Variants in GNAL observed in about 807,000 individuals in gnomAD.
The protein encoded by GNAL is guanine nucleotide-binding protein G(olf) subunit alpha.
In GNAL, 18 loss-of-function variants were observed where a neutral mutation model predicts 55.1. That is an observed-to-expected ratio of 0.33 (90% CI 0.23 to 0.48). The LOEUF (loss-of-function observed/expected upper bound fraction) is 0.48. Ranked by LOEUF, GNAL falls within the 20% of genes least tolerant of loss-of-function variation. The probability of loss-of-function intolerance (pLI) is 0.99; values close to 1 mark genes in which losing one functional copy is unlikely to be tolerated. For missense variants in GNAL, 412 were observed against 614.1 expected (o/e 0.67, Z 3.48); for synonymous variants, 253 against 237.0 (o/e 1.07, Z -0.62).
intron 4 of GNAL, among the ~76,000 whole-genome samples, chr18:11,754,306 A>G (rs6505671): frequency 0.32 from 48,054 of 151,630 alleles, 8,366 homozygotes; most frequent in African/African-American, 0.46. Flanking sequence ...AATCCCAGCT[A>G]CTCAAGAGGC....
chr18:11,765,884 C>T lies in GNAL; in HGVS notation c.624+11939C>T, dbSNP rs570158191. Among the ~76,000 whole-genome samples, 8 of 152,080 alleles carry T rather than the reference C, an allele frequency of 5.3e-5. No homozygotes were observed. In the South Asian group the frequency reaches 1.5e-3, roughly 28 times the overall value. On this transcript the variant is annotated intron_variant, in intron 4 of 11. Coordinates refer to ENST00000334049, the MANE Select transcript of GNAL (RefSeq NM_182978.4). ...AAAAAAGATTTTTGTTTCCAAAGTTCGCCTCCAGTTTGAATGTATTGGAAG... is the reference window on the plus strand; with the variant it reads ...AAAAAAGATTTTTGTTTCCAAAGTTTGCCTCCAGTTTGAATGTATTGGAAG...
Position 11,733,091 on chromosome 18 carries a change from ACT to A in GNAL, c.377-19759_377-19758del, listed in dbSNP as rs1232299694. Among the ~76,000 whole-genome samples the A allele has an allele frequency of 4.7e-5, 7 of 148,630 alleles. No homozygotes were observed. The East Asian group carries it at 6.6e-4, about 14-fold the overall frequency. Reference sequence around the variant, plus strand: ...GGACACCTGGACATGTGAAGAGAAGACTCTGATCTGTGCTCAGAGTCGGGTTG... The same window carrying A: ...GGACACCTGGACATGTGAAGAGAAGACTGATCTGTGCTCAGAGTCGGGTTG... On this transcript the variant is annotated intron_variant, in intron 1 of 11. Coordinates refer to ENST00000334049, the MANE Select transcript of GNAL (RefSeq NM_182978.4).
At position 11,751,736 on chromosome 18, in the gene GNAL, G is replaced by A. The variant is rs2032838531; in HGVS notation, c.377-1117G>A. On this transcript the variant is annotated intron_variant, in intron 1 of 11. Transcript: ENST00000334049. This position sits in a 1 kb window ranked among gnomAD's most constrained non-coding sequence, Gnocchi z 4.5. The stretch of plus-strand genomic sequence containing the variant: ...GCGCCCCAGCCGGCCGGGCTCCGTG[G>A]GGGGTCAGCTCCCTGACCCCTACAG... The A allele has an allele frequency of 1.2e-6, 1 of 848,074 alleles. No individual in the cohort carries two copies. The highest frequency in any genetic ancestry group is 1.4e-6 in the Non-Finnish European group (1 of 704,184). The allele number at this position is 848,074 out of a possible 1,614,324, so 52.5% of individuals were successfully genotyped here.
intron 5 of GNAL, among the ~76,000 whole-genome samples, chr18:11,842,441 G>A (rs1351380935): frequency 2.0e-5 from 3 of 152,032 alleles, no homozygotes; most frequent in African/African-American, 4.8e-5. Flanking sequence ...CTTCTATTAC[G>A]ATTACGTTGT....
intron 4 of GNAL, among the ~76,000 whole-genome samples, chr18:11,795,170 C>T (rs767885768): frequency 2.0e-4 from 31 of 152,038 alleles, no homozygotes; most frequent in Non-Finnish European, 4.1e-4. Context: ...GAGCTGGAGG[C>T]AGCTGGATCA....
intron 5 of GNAL, among the ~76,000 whole-genome samples, chr18:11,856,280 A>G (rs1598432134): frequency 6.6e-6 from 1 of 151,400 alleles, no homozygotes; most frequent in Non-Finnish European, 1.5e-5. Context: ...GTTTTTCTAC[A>G]TTAGATTGCA....
intron 5 of GNAL, among the ~76,000 whole-genome samples, chr18:11,844,860 A>ACTTATTTTAT (rs559410555): frequency 6.6e-6 from 1 of 151,624 alleles, no homozygotes; most frequent in African/African-American, 2.4e-5. Flanking sequence ...TTATTTTTTG[A>ACTTATTTTAT]TTTATTTTAT....
chr18:11,744,062 C>T (rs1372457641), intron 1 of GNAL, among the ~76,000 whole-genome samples: 2 of 152,154 alleles, frequency 1.3e-5, no homozygotes, highest in African/African-American at 4.8e-5. Context: ...CCTTCTAACA[C>T]AGTAATTAAA....
chr18:11,749,562 GGTACCGGTGCC>G (rs1448260069), intron 1 of GNAL, among the ~76,000 whole-genome samples: 2 of 152,178 alleles, frequency 1.3e-5, no homozygotes, highest in Non-Finnish European at 2.9e-5. Flanking sequence ...CACTGAACCA[GGTACCGGTGCC>G]GCAGGTACAA....
intron 1 of GNAL, among the ~76,000 whole-genome samples, chr18:11,730,446 C>T (rs2032313615): frequency 6.6e-6 from 1 of 151,950 alleles, no homozygotes; most frequent in Admixed American, 6.5e-5. Context: ...AGGTGTGAGC[C>T]ACCATACCTG....
chr18:11,757,282 CT>C (rs1222952005), intron 4 of GNAL, among the ~76,000 whole-genome samples: 1 of 152,138 alleles, frequency 6.6e-6, no homozygotes, highest in African/African-American at 2.4e-5. Flanking sequence ...GACTCAGAGG[CT>C]GGATCTTATC....
chr18:11,843,216 G>C (rs1220282171), intron 5 of GNAL, among the ~76,000 whole-genome samples: 1 of 151,868 alleles, frequency 6.6e-6, no homozygotes, highest in African/African-American at 2.4e-5. Context: ...AAGAAAAAAG[G>C]GGCTGGGTGT....
Position 11,689,632 on chromosome 18 carries a change from G to C in GNAL, c.69G>C (p.Ser23=), listed in dbSNP as rs987117042. The C allele has an allele frequency of 1.3e-5, 18 of 1,369,192 alleles. No individual in the cohort carries two copies. Among genetic ancestry groups the C allele is most frequent in the African/African-American group, 1.5e-5 (1 of 65,152 alleles). 84.8% of individuals were successfully genotyped at this position (1,369,192 alleles called of 1,614,324 possible). ...CAGGGGACGACCCCTGCGCGGCCTC[G>C]GAGCCGCCGGTGGAGGACGCGCAGC... is the stretch of plus-strand genomic sequence containing the variant. ...GGPGDDPCAA[S]EPPVEDAQPA... Residue 23 remains serine, a synonymous_variant, in exon 1 of 12, where the codon TCG becomes TCC. Transcript: ENST00000334049.
chr18:11,879,436 TA>T (rs1389073112), intron 11 of GNAL, among the ~76,000 whole-genome samples: 2 of 152,108 alleles, frequency 1.3e-5, no homozygotes, highest in African/African-American at 2.4e-5. Context: ...CTGAGTGTCT[TA>T]AACAGCAGAA....
intron 5 of GNAL, among the ~76,000 whole-genome samples, chr18:11,835,604 A>G (rs966291678): frequency 6.6e-6 from 1 of 152,142 alleles, no homozygotes; most frequent in African/African-American, 2.4e-5. Context: ...GGGAATAAAG[A>G]AAAATATGTA....
intron 4 of GNAL, among the ~76,000 whole-genome samples, chr18:11,794,681 T>C (rs1024229401): frequency 2.1e-5 from 3 of 143,752 alleles, no homozygotes; most frequent in African/African-American, 7.9e-5. Flanking sequence ...GTAAATACAC[T>C]AACACCACTG....
chr18:11,729,238 G>T (rs779906994), intron 1 of GNAL, among the ~76,000 whole-genome samples: 1 of 152,026 alleles, frequency 6.6e-6, no homozygotes, highest in African/African-American at 2.4e-5. Flanking sequence ...TTTCCTGAGC[G>T]GTTAGAAGGA....
chr18:11,704,417 C>T (rs770582776), intron 1 of GNAL, among the ~76,000 whole-genome samples: 1 of 152,246 alleles, frequency 6.6e-6, no homozygotes, highest in Non-Finnish European at 1.5e-5. Context: ...CAAGGCACAA[C>T]TAATGGCCCA....
At chr18:11,721,084 A>G (rs1422793779) in intron 1 of GNAL, among the ~76,000 whole-genome samples, 3 of 152,210 alleles carry the variant, frequency 2.0e-5, no homozygotes, top group African/African-American at 7.2e-5. Flanking sequence ...TCTCAGCTCT[A>G]AGTTCAAAAA....
Sources: allele counts gnomAD v4.1 joint callset (sites outside exome capture counted in the v4.1 genomes callset), GRCh38; gene constraint gnomAD v4.1.1; non-coding constraint Gnocchi (gnomAD v3.1); transcripts MANE v1.5; gene names NCBI Gene and HGNC (gene_info 2026-07-23, HGNC 2026-07-21).